Variants in PPP1R16B observed in about 807,000 individuals in gnomAD.
PPP1R16B encodes protein phosphatase 1 regulatory subunit 16B.
Under a neutral mutation model 61.7 loss-of-function variants are expected in PPP1R16B, and 14 were observed. The ratio of observed to expected loss-of-function variants is 0.23; its 90% CI spans 0.15 to 0.35. The LOEUF (loss-of-function observed/expected upper bound fraction) is 0.35. Among genes scored for constraint, PPP1R16B ranks in the 10% least tolerant of loss-of-function variants. PPP1R16B has a pLI of 1.00. For missense variants in PPP1R16B, 547 were observed against 752.5 expected (o/e 0.73, Z 3.19); for synonymous variants, 266 against 305.3 (o/e 0.87, Z 1.34).
chr20:38,811,110 T>G (rs945252023), intron 1 of PPP1R16B, among the ~76,000 whole-genome samples: 2 of 152,162 alleles, frequency 1.3e-5, no homozygotes, highest in African/African-American at 4.8e-5. Context: ...TGGCATTCCT[T>G]CGCCCACAGA....
Position 38,902,739 on chromosome 20 carries a change from A to C in PPP1R16B, c.643A>C (p.Met215Leu). Residue 215 changes from methionine to leucine, a missense_variant, in exon 6 of 11, where the codon ATG becomes CTG. Coordinates refer to ENST00000299824, the MANE Select transcript of PPP1R16B (RefSeq NM_015568.4). ...GCAGATGATTGCGGACATCCACTGC[A>C]TGATCGCAGCGGGCCAGGACCTGGA... is the stretch of plus-strand genomic sequence containing the variant. ...EQQMIADIHC[M>L]IAAGQDLDWI... 1 of 1,614,232 alleles carries C rather than the reference A, an allele frequency of 6.2e-7. No homozygotes were observed. The highest frequency in any genetic ancestry group is 8.5e-7 in the Non-Finnish European group (1 of 1,180,044).
intron 2 of PPP1R16B, among the ~76,000 whole-genome samples, chr20:38,886,681 C>T (rs1231252078): frequency 4.6e-5 from 7 of 152,226 alleles, no homozygotes; most frequent in African/African-American, 1.2e-4. Flanking sequence ...GAGATGCCTG[C>T]GAGCAGAGGA....
chr20:38,902,122 C>T (rs988068124), intron 5 of PPP1R16B, among the ~76,000 whole-genome samples: 2 of 152,168 alleles, frequency 1.3e-5, no homozygotes, highest in Non-Finnish European at 2.9e-5. Context: ...GAATGGGATT[C>T]GGGCTATACA....
chr20:38,855,688 C>G (rs755912702), intron 2 of PPP1R16B, among the ~76,000 whole-genome samples: 2 of 151,662 alleles, frequency 1.3e-5, no homozygotes, highest in African/African-American at 2.4e-5. Context: ...CCTGCCTGAG[C>G]AGCACATTTG....
intron 2 of PPP1R16B, among the ~76,000 whole-genome samples, chr20:38,838,687 C>T (rs2084888961): frequency 6.6e-6 from 1 of 152,224 alleles, no homozygotes; most frequent in African/African-American, 2.4e-5. Flanking sequence ...TTCTCTCACC[C>T]CTCGTTATTG....
chr20:38,899,888 C>A (rs1419498618), intron 4 of PPP1R16B, among the ~76,000 whole-genome samples: 4 of 151,956 alleles, frequency 2.6e-5, no homozygotes, highest in Non-Finnish European at 5.9e-5. Context: ...CCTCTGCCTC[C>A]CAGTTTCAAG....
intron 10 of PPP1R16B, among the ~76,000 whole-genome samples, chr20:38,914,801 G>T (rs535149833): frequency 5.9e-5 from 9 of 152,068 alleles, no homozygotes; most frequent in Admixed American, 4.6e-4. Flanking sequence ...CCATGTAGCT[G>T]AGCCACAGGC....
At chr20:38,849,192 A>G (rs2084952335) in intron 2 of PPP1R16B, among the ~76,000 whole-genome samples, 1 of 152,068 alleles carries the variant, frequency 6.6e-6, no homozygotes, top group Non-Finnish European at 1.5e-5. Context: ...TTTGTACATT[A>G]ATGTTATACC....
At chr20:38,857,011 C>T (rs1299305458) in intron 2 of PPP1R16B, among the ~76,000 whole-genome samples, 1 of 152,212 alleles carries the variant, frequency 6.6e-6, no homozygotes, top group Non-Finnish European at 1.5e-5. Flanking sequence ...TTCAAATGCT[C>T]ATGGTCCCCA....
intron 3 of PPP1R16B, among the ~76,000 whole-genome samples, chr20:38,894,008 G>C (rs1032502104): frequency 6.6e-6 from 1 of 152,122 alleles, no homozygotes; most frequent in African/African-American, 2.4e-5. Context: ...CCGTGCTGCT[G>C]CGTGGTTCTC....
chr20:38,891,495 C>T (rs557521479), intron 3 of PPP1R16B, among the ~76,000 whole-genome samples: 1 of 152,294 alleles, frequency 6.6e-6, no homozygotes, highest in East Asian at 1.9e-4. Flanking sequence ...TTACAACAAA[C>T]TTCAGAAATA....
chr20:38,857,373 G>A (rs1212309176), intron 2 of PPP1R16B, among the ~76,000 whole-genome samples: 1 of 152,112 alleles, frequency 6.6e-6, no homozygotes, highest in South Asian at 2.1e-4. Context: ...AAAAAATTAT[G>A]TTTGGATCCT....
intron 10 of PPP1R16B, among the ~76,000 whole-genome samples, chr20:38,908,454 G>T (rs1213732831): frequency 2.0e-5 from 3 of 152,238 alleles, no homozygotes; most frequent in Non-Finnish European, 4.4e-5. Flanking sequence ...ACACAGGTAG[G>T]TCTCCTAATT....
chr20:38,895,878 C>G (rs369017336), intron 4 of PPP1R16B, among the ~76,000 whole-genome samples, 168 bp downstream of exon 4: 1 of 93,646 alleles, frequency 1.1e-5, no homozygotes, highest in Non-Finnish European at 2.2e-5. Flanking sequence ...CTCCCTCCTT[C>G]CTTCTTTCTT....
intron 2 of PPP1R16B, among the ~76,000 whole-genome samples, chr20:38,847,621 T>C (rs182680358): frequency 6.6e-6 from 1 of 152,306 alleles, no homozygotes; most frequent in Non-Finnish European, 1.5e-5. Flanking sequence ...CCTCCCAAAG[T>C]GCTGGGATTA....
intron 2 of PPP1R16B, among the ~76,000 whole-genome samples, chr20:38,888,775 G>A (rs1428845866): frequency 6.6e-6 from 1 of 151,892 alleles, no homozygotes; most frequent in Non-Finnish European, 1.5e-5. Context: ...GAGGAGGGAG[G>A]AGGGTCACAG....
intron 4 of PPP1R16B, among the ~76,000 whole-genome samples, chr20:38,896,204 T>C (rs183271154): frequency 2.3e-5 from 3 of 129,666 alleles, no homozygotes; most frequent in African/African-American, 6.1e-5. Flanking sequence ...CTTTCTTCCC[T>C]CCCTCTCTCC....
intron 5 of PPP1R16B, among the ~76,000 whole-genome samples, chr20:38,900,886 C>T (rs996167935): frequency 7.2e-5 from 11 of 152,198 alleles, no homozygotes; most frequent in Admixed American, 3.9e-4. Context: ...AAACATGCTG[C>T]GCAGAAGGGA....
At chr20:38,910,583 G>T (rs1357383793) in intron 10 of PPP1R16B, among the ~76,000 whole-genome samples, 8 of 150,806 alleles carry the variant, frequency 5.3e-5, no homozygotes, top group Non-Finnish European at 1.2e-4. Flanking sequence ...GCCTGGGCTG[G>T]AGTGCAGTGG....
Sources: gnomAD v4.1 joint callset for allele counts (sites outside exome capture counted in the v4.1 genomes callset) on GRCh38, gnomAD v4.1.1 for gene constraint, MANE v1.5 for transcripts, NCBI Gene and HGNC (gene_info 2026-07-23, HGNC 2026-07-21) for gene names.